Variants in NR5A1 observed in about 807,000 individuals in gnomAD.
NR5A1 encodes steroidogenic factor 1.
NR5A1 carries 6 observed loss-of-function variants against 42.7 expected under a neutral mutation model. The observed-to-expected ratio is 0.14, with a 90% confidence interval of 0.08 to 0.28. NR5A1 has a LOEUF of 0.28. Among genes scored for constraint, NR5A1 ranks in the 10% least tolerant of loss-of-function variants. The probability of loss-of-function intolerance (pLI) is 1.00; values close to 1 mark genes in which losing one functional copy is unlikely to be tolerated. For synonymous variants in NR5A1, 274 were observed against 277.5 expected, an observed-to-expected ratio of 0.99 and a Z score of 0.12; for missense variants, 442 against 626.4, an observed-to-expected ratio of 0.71 and a Z score of 3.14.
chr9:124,497,170 G>A (rs571469425), intron 4 of NR5A1, among the ~76,000 whole-genome samples: 3 of 152,272 alleles, frequency 2.0e-5, no homozygotes, highest in East Asian at 1.9e-4. Context: ...GAAACTGCCC[G>A]CGCTCAGTTC....
chr9:124,490,227 C>G (rs767681995), intron 6 of NR5A1, among the ~76,000 whole-genome samples: 1 of 152,228 alleles, frequency 6.6e-6, no homozygotes. Flanking sequence ...GCTCTGCTCC[C>G]CACCCAGGGT....
intron 6 of NR5A1, among the ~76,000 whole-genome samples, chr9:124,489,076 C>T (rs1832264611): frequency 6.6e-6 from 1 of 152,244 alleles, no homozygotes; most frequent in Non-Finnish European, 1.5e-5. Context: ...CCTTAAGTCC[C>T]AGAGAAGGAG....
At chr9:124,491,542 A>T (rs1400827123) in intron 5 of NR5A1, among the ~76,000 whole-genome samples, 1 of 152,078 alleles carries the variant, frequency 6.6e-6, no homozygotes, top group Admixed American at 6.5e-5. Context: ...CCAGCAGCTC[A>T]GGGGGCCCCT....
intron 1 of NR5A1, among the ~76,000 whole-genome samples, chr9:124,504,919 C>A (rs1298556325): frequency 3.4e-5 from 5 of 148,324 alleles, no homozygotes; most frequent in Non-Finnish European, 7.5e-5. Flanking sequence ...CCCGCACCGC[C>A]GCCGGGGCCG....
In NR5A1 at chr9:124,500,922, C is replaced by G; in HGVS notation, c.245-207G>C. The G allele has an allele frequency of 1.3e-6, 1 of 776,232 alleles. No individual in the cohort carries two copies. 48.1% of individuals were successfully genotyped at this position (776,232 alleles called of 1,614,324 possible). Reference sequence around the variant, plus strand: ...TTTCAGGCAATCCCTGCTAAGACCCCTCTCCTTCCACTCCACCGAACTCAC... The same window carrying G: ...TTTCAGGCAATCCCTGCTAAGACCCGTCTCCTTCCACTCCACCGAACTCAC... On this transcript the variant is annotated intron_variant, in intron 3 of 6. Coordinates refer to ENST00000373588, the MANE Select transcript of NR5A1 (RefSeq NM_004959.5). The surrounding 1 kb of genome is among the most constrained non-coding windows in gnomAD (Gnocchi z 6.9).
At position 124,501,885 on chromosome 9, in the gene NR5A1, C is replaced by T. The variant is rs1832477152; in HGVS notation, c.245-1170G>A. Among the ~76,000 whole-genome samples the T allele has an allele frequency of 6.6e-6, 1 of 152,212 alleles. No homozygotes were observed. Among genetic ancestry groups the T allele is most frequent in the Non-Finnish European group, 1.5e-5 (1 of 68,050 alleles). On this transcript the variant is annotated intron_variant, in intron 3 of 6. Transcript: ENST00000373588. The surrounding 1 kb of genome is among the most constrained non-coding windows in gnomAD (Gnocchi z 4.1). Reference sequence around the variant, plus strand: ...AGCACACAGTCCAGTGACCGGCCACCTCCAGAAGCTCAAATCTTTCCTGCC... The same window carrying T: ...AGCACACAGTCCAGTGACCGGCCACTTCCAGAAGCTCAAATCTTTCCTGCC...
intron 6 of NR5A1, among the ~76,000 whole-genome samples, chr9:124,485,078 G>C (rs984964204): frequency 2.0e-5 from 3 of 152,154 alleles, no homozygotes; most frequent in African/African-American, 7.2e-5. Flanking sequence ...CCTCCCTGGA[G>C]GGGGAGAGCC....
intron 3 of NR5A1, among the ~76,000 whole-genome samples, chr9:124,502,097 C>A (rs878932729): frequency 6.6e-6 from 1 of 151,948 alleles, no homozygotes; most frequent in African/African-American, 2.4e-5. Flanking sequence ...TTTGGATGGA[C>A]GGACAGACAA....
chr9:124,504,041 AGAGAGAGAGAC>A lies in NR5A1; in HGVS notation c.-15-642_-15-632del, dbSNP rs1488155151. Among the ~76,000 whole-genome samples, 102 of 131,918 alleles carry A rather than the reference AGAGAGAGAGAC, an allele frequency of 7.7e-4. 4 individuals carry two copies. The highest frequency in any genetic ancestry group is 3.5e-3 in the Middle Eastern group (1 of 288). The allele number at this position is 131,918 out of a possible 152,430, so 86.5% of individuals were successfully genotyped here. ...CAGGGAGACAGAGAGAGAGAGAGAG[AGAGAGAGAGAC>A]GAGAGAGAGAGAGAGAGAGAGAAAC... On this transcript the variant is annotated intron_variant, in intron 1 of 6. Transcript: ENST00000373588.
intron 6 of NR5A1, among the ~76,000 whole-genome samples, chr9:124,483,373 G>A (rs549054948): frequency 6.6e-6 from 1 of 152,212 alleles, no homozygotes; most frequent in Non-Finnish European, 1.5e-5. Context: ...CTCCCTCGGG[G>A]AGGATCCCTG....
At position 124,498,323 on chromosome 9, in the gene NR5A1, A is replaced by C. The variant is rs1832416139; in HGVS notation, c.870+1767T>G. ...GTACTTATCTGCAAGGCCCCTTTAG[A>C]GAAGCTGGTGACCACTGCTCATAAT... On this transcript the variant is annotated intron_variant, in intron 4 of 6. Transcript: ENST00000373588. The surrounding 1 kb of genome is among the most constrained non-coding windows in gnomAD (Gnocchi z 4.6). 6.6e-6 allele frequency among the ~76,000 whole-genome samples: 1 copy of C among 152,204 alleles called. No homozygotes were observed. The highest frequency in any genetic ancestry group is 2.1e-4 in the South Asian group (1 of 4,830).
chr9:124,506,664 C>T (rs979015795), intron 1 of NR5A1, among the ~76,000 whole-genome samples: 4 of 152,312 alleles, frequency 2.6e-5, no homozygotes, highest in Admixed American at 6.5e-5. Context: ...AGGGTTTCTA[C>T]TCTCACCGGC....
In NR5A1 at chr9:124,500,840, C is replaced by T. The variant is rs772461332; in HGVS notation, c.245-125G>A. 19 of 1,452,388 alleles carry T rather than the reference C, an allele frequency of 1.3e-5. No homozygotes were observed. Among genetic ancestry groups the T allele is most frequent in the Admixed American group, 7.2e-5 (4 of 55,296 alleles). 90.0% of individuals were successfully genotyped at this position (1,452,388 alleles called of 1,614,324 possible). On this transcript the variant is annotated intron_variant, in intron 3 of 6. Transcript: ENST00000373588. This position sits in a 1 kb window ranked among gnomAD's most constrained non-coding sequence, Gnocchi z 6.9. ...CTGCTCAACACCCTTTCATGGCTCC[C>T]ACTGACCACAGGGGAAGTCAGTCTC... is the stretch of plus-strand genomic sequence containing the variant.
chr9:124,502,933 G>T, intron 3 of NR5A1, 146 bp downstream of exon 3: 1 of 1,207,362 alleles, frequency 8.3e-7, no homozygotes, highest in Non-Finnish European at 1.1e-6. Context: ...CCAGCGCCCG[G>T]TTCTCTTGCA....
At chr9:124,504,915 C>T (rs1832531271) in intron 1 of NR5A1, among the ~76,000 whole-genome samples, 2 of 147,676 alleles carry the variant, frequency 1.4e-5, no homozygotes, top group African/African-American at 4.9e-5. Context: ...CCCCCCCGCA[C>T]CGCCGCCGGG....
rs1832340912 is a variant in NR5A1 at position 124,493,038 on chromosome 9, C to T, written c.982G>A (p.Gly328Arg). The change falls in exon 5 of 7, where the codon GGG (glycine) becomes AGG (arginine). Residue 328 changes from glycine to arginine, a missense_variant. Gly to Arg is a moderately radical substitution (Grantham distance 125). This residue lies in a region of NR5A1 where 163 missense variants were observed against 265.8 expected (regional missense o/e 0.61). Transcript: ENST00000373588. ...GKEGSILLVT[G>R]QEVELTTVAT... ...GCCGAGGGACTGGTCACCTCCTGCC[C>T]GGTGACCAGCAGGATGCTGCCCTCC... 1.2e-6 allele frequency: 2 copies of T among 1,600,104 alleles called. No individual in the cohort carries two copies. The highest frequency in any genetic ancestry group is 1.7e-6 in the Non-Finnish European group (2 of 1,174,892).
At position 124,507,264 on chromosome 9, in the gene NR5A1, C is replaced by G. The variant is rs988624128; in HGVS notation, c.-31G>C. 5 of 152,546 alleles carry G rather than the reference C, an allele frequency of 3.3e-5. No individual in the cohort carries two copies. Among genetic ancestry groups the G allele is most frequent in the African/African-American group, 1.2e-4 (5 of 41,448 alleles). The allele number at this position is 152,546 out of a possible 1,614,324, so 9.4% of individuals were successfully genotyped here. On this transcript the variant is annotated 5_prime_UTR_variant, in exon 1 of 7. Transcript: ENST00000373588. ...CCTCACTTACGAAGCGGAAGCAGCG[C>G]TCTCACACCGGATGAGGGTGGCAGT... is the stretch of plus-strand genomic sequence containing the variant.
intron 6 of NR5A1, 45 bp downstream of exon 6, chr9:124,491,036 C>CCCCCCCCAGGGGG: frequency 1.1e-5 from 16 of 1,401,572 alleles, no homozygotes; most frequent in East Asian, 3.0e-5. Flanking sequence ...CCCACCCACC[C>CCCCCCCCAGGGGG]GCCTCTGGCT....
intron 5 of NR5A1, among the ~76,000 whole-genome samples, chr9:124,491,764 C>G (rs1360409932): frequency 6.6e-6 from 1 of 152,156 alleles, no homozygotes; most frequent in African/African-American, 2.4e-5. Flanking sequence ...CACACCCGCC[C>G]TTGTACGCTC....
Sources: allele counts gnomAD v4.1 joint callset (sites outside exome capture counted in the v4.1 genomes callset), GRCh38; gene constraint gnomAD v4.1.1; regional missense constraint gnomAD v4.1.1; non-coding constraint Gnocchi (gnomAD v3.1); transcripts MANE v1.5; gene names NCBI Gene and HGNC (gene_info 2026-07-23, HGNC 2026-07-21).